KLHL29: variants seen among roughly 807,000 people sequenced by gnomAD.
The protein encoded by KLHL29 is kelch like family member 29, also known as kelch-like protein 29.
KLHL29 carries 21 observed loss-of-function variants against 80.4 expected under a neutral mutation model. The observed-to-expected ratio is 0.26, with a 90% confidence interval of 0.19 to 0.38. KLHL29 has a LOEUF of 0.38. Among genes scored for constraint, KLHL29 ranks in the 10% least tolerant of loss-of-function variants. The pLI, the probability that KLHL29 is intolerant of heterozygous loss-of-function variation, is 1.00. For synonymous variants in KLHL29, 511 were observed against 526.8 expected, an observed-to-expected ratio of 0.97 and a Z score of 0.41; for missense variants, 867 against 1,223.9, an observed-to-expected ratio of 0.71 and a Z score of 4.35.
chr2:23,413,390 C>A (rs1666911006), intron 1 of KLHL29, among the ~76,000 whole-genome samples: 1 of 152,152 alleles, frequency 6.6e-6, no homozygotes, highest in South Asian at 2.1e-4. Context: ...CACTGCAGAC[C>A]CATGGACACG....
intron 1 of KLHL29, among the ~76,000 whole-genome samples, chr2:23,440,041 A>T (rs1663466254): frequency 6.6e-6 from 1 of 151,358 alleles, no homozygotes; most frequent in South Asian, 2.1e-4. Context: ...TTTCTTGTTG[A>T]ATTGATCCCT....
rs575116511 is a variant in KLHL29, at chr2:23,585,738, G to A, written c.285+23257G>A. On this transcript the variant is annotated intron_variant, in intron 3 of 13. Coordinates refer to ENST00000486442, the MANE Select transcript of KLHL29 (RefSeq NM_052920.2). ...GGAGGGGACCCATATGTAACTAGAA[G>A]CAGGAGGGCGGTGTCGGAGGCTCCA... is the stretch of plus-strand genomic sequence containing the variant. Among the ~76,000 whole-genome samples the A allele has an allele frequency of 9.4e-4, 143 of 152,246 alleles. 1 individual carries two copies. Among genetic ancestry groups the A allele is most frequent in the African/African-American group, 3.2e-3 (131 of 41,546 alleles).
At chr2:23,427,898 T>G (rs1663049210) in intron 1 of KLHL29, among the ~76,000 whole-genome samples, 1 of 152,200 alleles carries the variant, frequency 6.6e-6, no homozygotes, top group African/African-American at 2.4e-5. Flanking sequence ...TGTTTGCCCA[T>G]CTTCCTGTGC....
In KLHL29 at chr2:23,483,920, A is replaced by C. The variant is rs563199530; in HGVS notation, c.-46+8253A>C. On this transcript the variant is annotated intron_variant, in intron 2 of 13. Coordinates refer to ENST00000486442, the MANE Select transcript of KLHL29 (RefSeq NM_052920.2). ...AAAAAGCTCTCAGCAAGTATCAATC[A>C]CATGCCTGCCTGCCTCCCACGACCA... Among the ~76,000 whole-genome samples, 3 of 152,282 alleles carry C rather than the reference A, an allele frequency of 2.0e-5. No individual in the cohort carries two copies. In the South Asian group the frequency reaches 6.2e-4, roughly 32 times the overall value.
At chr2:23,606,205 A>G (rs1313490284) in intron 3 of KLHL29, among the ~76,000 whole-genome samples, 18 of 122,066 alleles carry the variant, frequency 1.5e-4, no homozygotes, top group Admixed American at 6.1e-4. Flanking sequence ...AGAGAGGGAG[A>G]GAGAGAGAGA....
At chr2:23,448,656 C>T (rs1663778964) in intron 1 of KLHL29, among the ~76,000 whole-genome samples, 2 of 152,278 alleles carry the variant, frequency 1.3e-5, no homozygotes, top group Non-Finnish European at 1.5e-5. Context: ...CTGTCAACCC[C>T]AGGAACACCC....
intron 1 of KLHL29, among the ~76,000 whole-genome samples, chr2:23,472,827 A>C (rs1664534873): frequency 6.6e-6 from 1 of 152,238 alleles, no homozygotes; most frequent in African/African-American, 2.4e-5. Context: ...TGTCAGTGTT[A>C]GAATTCTAAT....
In KLHL29 at chr2:23,596,482, G is replaced by A. The variant is rs928183795; in HGVS notation, c.285+34001G>A. Among the ~76,000 whole-genome samples, 11 of 152,230 alleles carry A rather than the reference G, an allele frequency of 7.2e-5. No individual in the cohort carries two copies. The highest frequency in any genetic ancestry group is 8.8e-5 in the Non-Finnish European group (6 of 68,010). On this transcript the variant is annotated intron_variant, in intron 3 of 13. Transcript: ENST00000486442. The surrounding 1 kb of genome is among the most constrained non-coding windows in gnomAD (Gnocchi z 4.4). ...GCAGAACAGAGTCACTAGGAGGCTC[G>A]CTGTGATTTATCAGGGGCCATGCCA...
intron 3 of KLHL29, among the ~76,000 whole-genome samples, chr2:23,627,908 G>GTTTTTTTT (rs1553347328): frequency 8.0e-5 from 3 of 37,292 alleles, no homozygotes; most frequent in African/African-American, 4.3e-4. Flanking sequence ...GAGGCCAGGA[G>GTTTTTTTT]TCTTTTTTTT....
intron 5 of KLHL29, among the ~76,000 whole-genome samples, chr2:23,658,232 G>T (rs979631380): frequency 3.9e-5 from 6 of 152,138 alleles, no homozygotes; most frequent in African/African-American, 1.4e-4. Context: ...TCCACCTTGC[G>T]GAGCTCCCAG....
At position 23,524,049 on chromosome 2, in the gene KLHL29, C is replaced by A. The variant is rs529435260; in HGVS notation, c.-45-38103C>A. On this transcript the variant is annotated intron_variant, in intron 2 of 13. Coordinates refer to ENST00000486442, the MANE Select transcript of KLHL29 (RefSeq NM_052920.2). The stretch of plus-strand genomic sequence containing the variant: ...TGAGTTTTTTTTACCAGCATGCCTT[C>A]CTCTTCCGAAGGCCTTCCCCATCTA... The A allele has an allele frequency of 6.9e-4, 327 of 471,528 alleles. 2 individuals carry two copies. Among genetic ancestry groups the A allele is most frequent in the African/African-American group, 5.3e-3 (267 of 50,204 alleles). 29.2% of individuals were successfully genotyped at this position (471,528 alleles called of 1,614,324 possible).
intron 3 of KLHL29, among the ~76,000 whole-genome samples, chr2:23,577,141 C>T (rs1667862255): frequency 6.6e-6 from 1 of 152,198 alleles, no homozygotes; most frequent in Non-Finnish European, 1.5e-5. Flanking sequence ...CCTGGTGTCT[C>T]CACGTGGCTC....
intron 2 of KLHL29, among the ~76,000 whole-genome samples, chr2:23,485,159 T>A (rs996010792): frequency 2.0e-5 from 3 of 152,086 alleles, no homozygotes; most frequent in African/African-American, 7.2e-5. Flanking sequence ...AATTGATGAA[T>A]GGAAAAAGTC....
chr2:23,411,803 G>A (rs1666866973), intron 1 of KLHL29, among the ~76,000 whole-genome samples: 1 of 152,148 alleles, frequency 6.6e-6, no homozygotes, highest in African/African-American at 2.4e-5. Context: ...TTTTGGCAGA[G>A]TGGAGATAAG....
chr2:23,572,791 C>G (rs545946506), intron 3 of KLHL29, among the ~76,000 whole-genome samples: 16 of 151,486 alleles, frequency 1.1e-4, no homozygotes, highest in Admixed American at 4.6e-4. Flanking sequence ...AGCTCTGCTT[C>G]CCGGGTTCAC....
intron 2 of KLHL29, among the ~76,000 whole-genome samples, chr2:23,495,902 C>T (rs1665247781): frequency 1.3e-5 from 2 of 152,254 alleles, no homozygotes; most frequent in Non-Finnish European, 2.9e-5. Context: ...AATCCTAGCA[C>T]CAGACTCAAC....
intron 2 of KLHL29, among the ~76,000 whole-genome samples, chr2:23,556,714 G>A (rs143017737): frequency 8.7e-4 from 132 of 151,688 alleles, no homozygotes; most frequent in African/African-American, 3.1e-3. Flanking sequence ...CTCCTGGCCA[G>A]CATCGGCTTT....
chr2:23,562,124 C>A lies in KLHL29; in HGVS notation c.-45-28C>A. 1 of 1,527,618 alleles carries A rather than the reference C, an allele frequency of 6.5e-7. No homozygotes were observed. The highest frequency in any genetic ancestry group is 8.8e-7 in the Non-Finnish European group (1 of 1,133,402). 94.6% of individuals were successfully genotyped at this position (1,527,618 alleles called of 1,614,324 possible). On this transcript the variant is annotated intron_variant, in intron 2 of 13. Transcript: ENST00000486442. The surrounding 1 kb of genome is among the most constrained non-coding windows in gnomAD (Gnocchi z 4.5). ...GTCGCTGCCTGCTCCAGTCCTAAAT[C>A]ACCCTTCTCTCCACCCTGTCACCAC... is the stretch of plus-strand genomic sequence containing the variant.
intron 2 of KLHL29, among the ~76,000 whole-genome samples, chr2:23,552,253 C>G (rs1667149599): frequency 6.6e-6 from 1 of 152,206 alleles, no homozygotes; most frequent in African/African-American, 2.4e-5. Context: ...AAGGCAGGAG[C>G]AGAGCGCAGA....
Sources: allele counts gnomAD v4.1 joint callset (sites outside exome capture counted in the v4.1 genomes callset), GRCh38; gene constraint gnomAD v4.1.1; non-coding constraint Gnocchi (gnomAD v3.1); transcripts MANE v1.5; gene names NCBI Gene and HGNC (gene_info 2026-07-23, HGNC 2026-07-21).